The following CRTAC1 variants were observed in gnomAD, a reference collection of about 807,000 sequenced individuals.
The protein encoded by CRTAC1 is cartilage acidic protein 1.
Under a neutral mutation model 67.8 loss-of-function variants are expected in CRTAC1, and 37 were observed. The ratio of observed to expected loss-of-function variants is 0.55; its 90% CI spans 0.42 to 0.72. CRTAC1 has a LOEUF of 0.72. CRTAC1 is among the 30% of genes least tolerant of loss of function. The pLI is 0.00. For missense variants in CRTAC1, 780 were observed against 931.6 expected (o/e 0.84, Z 2.12); for synonymous variants, 348 against 371.0 (o/e 0.94, Z 0.71).
chr10:97,984,991 A>T (rs1345995542), intron 2 of CRTAC1, among the ~76,000 whole-genome samples: 1 of 152,216 alleles, frequency 6.6e-6, no homozygotes, highest in African/African-American at 2.4e-5. Context: ...CAAAAATGAA[A>T]GACTCAGAGG....
chr10:98,001,101 C>G (rs1278584522), intron 2 of CRTAC1, among the ~76,000 whole-genome samples: 1 of 152,060 alleles, frequency 6.6e-6, no homozygotes, highest in Non-Finnish European at 1.5e-5. Flanking sequence ...ATAATGGGTC[C>G]GTTCACCAGG....
intron 3 of CRTAC1, among the ~76,000 whole-genome samples, chr10:97,925,600 G>A (rs1044439244): frequency 1.3e-5 from 2 of 149,212 alleles, no homozygotes; most frequent in African/African-American, 5.0e-5. Context: ...GAGAGTGTGA[G>A]AGCGGGGATG....
intron 5 of CRTAC1, among the ~76,000 whole-genome samples, chr10:97,912,808 A>T (rs1173153155): frequency 6.6e-6 from 1 of 152,188 alleles, no homozygotes; most frequent in Non-Finnish European, 1.5e-5. Flanking sequence ...TCCTTCCTGT[A>T]AAGTGGGTGG....
At chr10:97,988,308 G>A (rs1204804662) in intron 2 of CRTAC1, among the ~76,000 whole-genome samples, 1 of 152,188 alleles carries the variant, frequency 6.6e-6, no homozygotes, top group Non-Finnish European at 1.5e-5. Context: ...GCAATCAAAA[G>A]AGTTCTGACT....
intron 5 of CRTAC1, among the ~76,000 whole-genome samples, chr10:97,908,497 TG>T (rs1484438902): frequency 1.3e-5 from 2 of 152,190 alleles, no homozygotes; most frequent in African/African-American, 4.8e-5. Context: ...CACGCCATTT[TG>T]GTCAAGTCAC....
chr10:97,877,516 C>T (rs894386887), intron 14 of CRTAC1, among the ~76,000 whole-genome samples: 4 of 152,212 alleles, frequency 2.6e-5, no homozygotes. Context: ...TCAGTACCTG[C>T]ACATAGTAGT....
chr10:97,991,641 A>T (rs1327845331), intron 2 of CRTAC1, among the ~76,000 whole-genome samples: 1 of 152,098 alleles, frequency 6.6e-6, no homozygotes, highest in Non-Finnish European at 1.5e-5. Flanking sequence ...AGCAATTTAC[A>T]TGGCTTATCT....
At chr10:97,904,341 T>A (rs2050580273) in intron 7 of CRTAC1, among the ~76,000 whole-genome samples, 1 of 152,082 alleles carries the variant, frequency 6.6e-6, no homozygotes. Flanking sequence ...GCGAGGCAGC[T>A]CCATGGCATG....
chr10:97,939,770 C>A (rs1184303352), intron 2 of CRTAC1, among the ~76,000 whole-genome samples: 1 of 152,166 alleles, frequency 6.6e-6, no homozygotes. Flanking sequence ...CAGCAGTCCC[C>A]TCCCACGGGG....
At chr10:97,910,904 C>T (rs1013950303) in intron 5 of CRTAC1, among the ~76,000 whole-genome samples, 1 of 152,182 alleles carries the variant, frequency 6.6e-6, no homozygotes, top group Non-Finnish European at 1.5e-5. Context: ...GAGCCCAAGC[C>T]GCATGAAAAT....
intron 2 of CRTAC1, among the ~76,000 whole-genome samples, chr10:97,961,491 G>A (rs1332353159): frequency 2.6e-5 from 4 of 152,106 alleles, no homozygotes; most frequent in Non-Finnish European, 5.9e-5. Flanking sequence ...CAAAATATAT[G>A]AGCTATATTA....
intron 2 of CRTAC1, among the ~76,000 whole-genome samples, chr10:98,007,578 G>A (rs941005500): frequency 6.6e-6 from 1 of 152,158 alleles, no homozygotes. Context: ...CTGGGGGTGA[G>A]CAATAAATAT....
chr10:97,975,774 G>A lies in CRTAC1; in HGVS notation c.224+35364C>T, dbSNP rs1415259036. On this transcript the variant is annotated intron_variant, in intron 2 of 14. Coordinates refer to ENST00000370597, the MANE Select transcript of CRTAC1 (RefSeq NM_018058.7). This position sits in a 1 kb window ranked among gnomAD's most constrained non-coding sequence, Gnocchi z 4.8. ...AGAGGCCCTGTCTAAATGCTCCTCC[G>A]CCCTCTGTGCCAAGAGCCTCTCCAC... Among the ~76,000 whole-genome samples, 2 of 152,158 alleles carry A rather than the reference G, an allele frequency of 1.3e-5. No individual in the cohort carries two copies. Among genetic ancestry groups the A allele is most frequent in the Non-Finnish European group, 1.5e-5 (1 of 68,020 alleles).
At chr10:97,906,456 T>A (rs2050614128) in intron 6 of CRTAC1, among the ~76,000 whole-genome samples, 1 of 152,148 alleles carries the variant, frequency 6.6e-6, no homozygotes, top group African/African-American at 2.4e-5. Flanking sequence ...ACCCCTGCAA[T>A]CATTCTGACT....
intron 14 of CRTAC1, chr10:97,879,550 C>G (rs1479851869): frequency 4.4e-6 from 5 of 1,133,932 alleles, no homozygotes; most frequent in Non-Finnish European, 3.6e-6. Flanking sequence ...AGATGGCCAC[C>G]CCTGTTGTCC....
chr10:98,030,573 C>A lies in CRTAC1; in HGVS notation c.-101G>T, dbSNP rs1037822728. 1.2e-6 allele frequency: 1 copy of A among 833,236 alleles called. No individual in the cohort carries two copies. Among genetic ancestry groups the A allele is most frequent in the Non-Finnish European group, 1.6e-6 (1 of 621,230 alleles). The allele number at this position is 833,236 out of a possible 1,614,324, so 51.6% of individuals were successfully genotyped here. A position where few individuals can be genotyped will look rare whatever the true frequency, so the allele number is the denominator to read the frequency against. On this transcript the variant is annotated 5_prime_UTR_variant, in exon 1 of 15. Coordinates refer to ENST00000370597, the MANE Select transcript of CRTAC1 (RefSeq NM_018058.7). This position sits in a 1 kb window ranked among gnomAD's most constrained non-coding sequence, Gnocchi z 4.2. ...GCCTGCTTGCTCCCAGCCCCGGTCC[C>A]GGGCTGGCCTCGAGCCTCCCGCCCC...
intron 11 of CRTAC1, chr10:97,884,578 G>C: frequency 1.9e-6 from 1 of 513,726 alleles, no homozygotes; most frequent in Non-Finnish European, 3.4e-6. Flanking sequence ...CATCTGTGCT[G>C]TCCAGTACAG....
At chr10:97,897,069 T>C in intron 8 of CRTAC1, 78 bp from the exon 9 acceptor site, 1 of 1,053,776 alleles carries the variant, frequency 9.5e-7, no homozygotes, top group Non-Finnish European at 1.4e-6. Context: ...CTCCATTCTG[T>C]CCCCTGAGCA....
chr10:97,946,295 T>C (rs2051262626), intron 2 of CRTAC1, among the ~76,000 whole-genome samples: 1 of 152,232 alleles, frequency 6.6e-6, no homozygotes, highest in Non-Finnish European at 1.5e-5. Flanking sequence ...GCTAGGCTTC[T>C]GGATGACTGG....
Sources: gnomAD v4.1 joint callset for allele counts (sites outside exome capture counted in the v4.1 genomes callset) on GRCh38, gnomAD v4.1.1 for gene constraint, Gnocchi (gnomAD v3.1) non-coding constraint, MANE v1.5 for transcripts, NCBI Gene and HGNC (gene_info 2026-07-23, HGNC 2026-07-21) for gene names.